The following PLCB1 variants were observed in gnomAD, a reference collection of about 807,000 sequenced individuals.
PLCB1 encodes 1-phosphatidylinositol 4,5-bisphosphate phosphodiesterase beta-1.
In PLCB1, 46 loss-of-function variants were observed where a neutral mutation model predicts 161.8. The observed-to-expected ratio is 0.28, with a 90% CI of 0.22 to 0.36. The LOEUF (loss-of-function observed/expected upper bound fraction) is 0.36, where lower values mean the gene tolerates loss of function less well. PLCB1 is among the 10% of genes least tolerant of loss of function. The pLI is 1.00. For missense variants in PLCB1, 1,016 were observed against 1,472.5 expected (o/e 0.69, Z 5.07); for synonymous variants, 517 against 503.7 (o/e 1.03, Z -0.35).
At chr20:8,758,532 G>C (rs1390834585) in intron 24 of PLCB1, among the ~76,000 whole-genome samples, 1 of 151,888 alleles carries the variant, frequency 6.6e-6, no homozygotes, top group African/African-American at 2.4e-5. Context: ...AGTAAGCTGA[G>C]ATCGCACCAC....
rs766817976 is a variant in PLCB1, at chr20:8,384,646, C to T, written c.246+13196C>T. Among the ~76,000 whole-genome samples, 8 of 152,008 alleles carry T rather than the reference C, an allele frequency of 5.3e-5. No homozygotes were observed. The East Asian group carries it at 1.2e-3, about 22-fold the overall frequency. On this transcript the variant is annotated intron_variant, in intron 3 of 31. Coordinates refer to ENST00000338037, the MANE Select transcript of PLCB1 (RefSeq NM_015192.4). ...CAGTGTTTTTTTGTTGATTCTTTCT[C>T]GTCTTTATGAGTTTGTCTAGTTTTG...
chr20:8,416,284 T>C (rs1477499577), intron 3 of PLCB1, among the ~76,000 whole-genome samples: 1 of 152,206 alleles, frequency 6.6e-6, no homozygotes, highest in African/African-American at 2.4e-5. Flanking sequence ...TGAAGCGTGA[T>C]GTAAAATAAC....
intron 2 of PLCB1, among the ~76,000 whole-genome samples, chr20:8,201,500 A>G (rs971498154): frequency 7.9e-5 from 12 of 152,130 alleles, no homozygotes; most frequent in Admixed American, 3.3e-4. Context: ...GAGAACTGCT[A>G]TTGGTTTCAG....
intron 1 of PLCB1, among the ~76,000 whole-genome samples, chr20:8,137,263 A>G (rs534931173): frequency 3.3e-5 from 5 of 152,348 alleles, no homozygotes; most frequent in Non-Finnish European, 7.3e-5. Flanking sequence ...TGATGACAAG[A>G]TGACACTCAC....
At chr20:8,728,038 T>A (rs1178165171) in intron 17 of PLCB1, among the ~76,000 whole-genome samples, 1 of 152,128 alleles carries the variant, frequency 6.6e-6, no homozygotes, top group African/African-American at 2.4e-5. Flanking sequence ...CAGAATAAAG[T>A]TAACCTTTAA....
At chr20:8,486,028 A>G (rs1478911791) in intron 3 of PLCB1, among the ~76,000 whole-genome samples, 1 of 152,208 alleles carries the variant, frequency 6.6e-6, no homozygotes, top group Non-Finnish European at 1.5e-5. Flanking sequence ...CCTTCTTCAC[A>G]TGATAACAGG....
At chr20:8,481,795 T>A (rs909862071) in intron 3 of PLCB1, among the ~76,000 whole-genome samples, 1 of 152,072 alleles carries the variant, frequency 6.6e-6, no homozygotes, top group Non-Finnish European at 1.5e-5. Flanking sequence ...TTTGAATTGG[T>A]TTTTTGATCT....
intron 2 of PLCB1, among the ~76,000 whole-genome samples, chr20:8,313,853 C>A (rs1984520235): frequency 6.6e-6 from 1 of 152,132 alleles, no homozygotes; most frequent in Non-Finnish European, 1.5e-5. Flanking sequence ...TTCCTGGAAG[C>A]CTAATATCTG....
intron 26 of PLCB1, among the ~76,000 whole-genome samples, chr20:8,767,441 A>G (rs894310898): frequency 6.6e-5 from 10 of 152,116 alleles, no homozygotes; most frequent in African/African-American, 2.4e-4. Context: ...CTTCATATGA[A>G]AACCTGTACT....
intron 2 of PLCB1, among the ~76,000 whole-genome samples, chr20:8,183,159 A>G (rs893409126): frequency 6.6e-6 from 1 of 152,092 alleles, no homozygotes; most frequent in Non-Finnish European, 1.5e-5. Flanking sequence ...TAGATACATG[A>G]TCCATCTGGC....
chr20:8,729,218 C>A, intron 18 of PLCB1, 44 bp downstream of exon 18: 2 of 1,503,996 alleles, frequency 1.3e-6, no homozygotes, highest in South Asian at 1.4e-5. Context: ...CTCACATTGC[C>A]AAGTGTCCAA....
chr20:8,763,694 G>T (rs947569226), intron 25 of PLCB1, among the ~76,000 whole-genome samples: 6 of 151,744 alleles, frequency 4.0e-5, no homozygotes, highest in African/African-American at 1.5e-4. Flanking sequence ...CCTAATTTTT[G>T]TATTTTTAGT....
chr20:8,201,275 T>C (rs1010920299), intron 2 of PLCB1, among the ~76,000 whole-genome samples: 47 of 152,160 alleles, frequency 3.1e-4, no homozygotes, highest in African/African-American at 1.1e-3. Flanking sequence ...AGCAATAGTA[T>C]AAAAATAATC....
chr20:8,495,522 T>A (rs1568698755), intron 3 of PLCB1, among the ~76,000 whole-genome samples: 1 of 150,746 alleles, frequency 6.6e-6, no homozygotes, highest in Non-Finnish European at 1.5e-5. Context: ...CTCAGCTTCC[T>A]GAGTAGCTGG....
At chr20:8,555,687 C>T (rs1985929077) in intron 3 of PLCB1, among the ~76,000 whole-genome samples, 1 of 152,048 alleles carries the variant, frequency 6.6e-6, no homozygotes, top group African/African-American at 2.4e-5. Flanking sequence ...GTAAAGCCAA[C>T]TGTGTATGTC....
intron 3 of PLCB1, among the ~76,000 whole-genome samples, chr20:8,578,166 G>A (rs1171562188): frequency 2.0e-5 from 3 of 152,240 alleles, no homozygotes; most frequent in Non-Finnish European, 2.9e-5. Context: ...ACTTTTGTGT[G>A]TGTCTTTCAG....
intron 2 of PLCB1, among the ~76,000 whole-genome samples, chr20:8,163,488 G>A (rs2235212): frequency 0.24 from 35,797 of 152,144 alleles, 4,485 homozygotes; most frequent in African/African-American, 0.32. Flanking sequence ...CACTCTGGTG[G>A]CTTTAATTTC....
chr20:8,136,417 G>A (rs1254126161), intron 1 of PLCB1, among the ~76,000 whole-genome samples: 1 of 152,230 alleles, frequency 6.6e-6, no homozygotes, highest in Admixed American at 6.5e-5. Flanking sequence ...ACAAGACCAG[G>A]AGATCGAGAC....
intron 2 of PLCB1, among the ~76,000 whole-genome samples, chr20:8,208,932 T>C (rs1978672933): frequency 6.6e-6 from 1 of 152,166 alleles, no homozygotes. Flanking sequence ...CTGAATGATA[T>C]TAAAATTTTT....
Sources: gnomAD v4.1 joint callset for allele counts (sites outside exome capture counted in the v4.1 genomes callset) on GRCh38, gnomAD v4.1.1 for gene constraint, MANE v1.5 for transcripts, NCBI Gene and HGNC (gene_info 2026-07-23, HGNC 2026-07-21) for gene names.